SORL1: variants seen among roughly 807,000 people sequenced by gnomAD.
The protein encoded by SORL1 is sortilin related receptor 1, also known as sortilin-related receptor.
Under a neutral mutation model 273.7 loss-of-function variants are expected in SORL1, and 127 were observed. The ratio of observed to expected loss-of-function variants is 0.46; its 90% CI spans 0.40 to 0.54. SORL1 has a LOEUF of 0.54. SORL1 is among the 20% of genes least tolerant of loss of function. SORL1 has a pLI of 0.00. For synonymous variants in SORL1, 1,031 were observed against 1,067.4 expected (o/e 0.97, Z 0.66); for missense variants, 2,494 against 2,846.1 (o/e 0.88, Z 2.81).
At position 121,550,497 on chromosome 11, in the gene SORL1, C is replaced by T. The variant is rs964353949; in HGVS notation, c.2181-88C>T. 22 of 1,060,728 alleles carry T rather than the reference C, an allele frequency of 2.1e-5. No individual in the cohort carries two copies. Among genetic ancestry groups the T allele is most frequent in the African/African-American group, 9.3e-5 (6 of 64,360 alleles). The allele number at this position is 1,060,728 out of a possible 1,614,324, so 65.7% of individuals were successfully genotyped here. The stretch of plus-strand genomic sequence containing the variant: ...AAATGAGTGGATGGACTCTACTGGC[C>T]GTGGGTAGTAAGTGTATTCCCAGCT... On this transcript the variant is annotated intron_variant, in intron 15 of 47. Transcript: ENST00000260197. The surrounding 1 kb of genome is among the most constrained non-coding windows in gnomAD (Gnocchi z 5.3).
At position 121,482,331 on chromosome 11, in the gene SORL1, C is replaced by T. The variant is rs546276192; in HGVS notation, c.528+4088C>T. 2.0e-4 allele frequency among the ~76,000 whole-genome samples: 30 copies of T among 152,184 alleles called. 1 individual carries two copies. The highest frequency in any genetic ancestry group is 6.3e-4 in the African/African-American group (26 of 41,538). On this transcript the variant is annotated intron_variant, in intron 3 of 47. Transcript: ENST00000260197. The stretch of plus-strand genomic sequence containing the variant: ...TTGCATCCCAAGTGCTGTGTACCTC[C>T]GAGTGGTGTGTCTTAGATTCTCATG...
Position 121,629,512 on chromosome 11 carries a change from T to C in SORL1, c.6594T>C (p.Asp2198=), listed in dbSNP as rs1440208331. The change falls in exon 48 of 48, where the codon GAT becomes GAC. Residue 2198 remains aspartate, a synonymous_variant. Coordinates refer to ENST00000260197, the MANE Select transcript of SORL1 (RefSeq NM_003105.6). Reference sequence around the variant, plus strand: ...TGTCTCTAGGGGAAGATGATGAAGATGCCCCTATGATAACTGGATTTTCAG... The same window carrying C: ...TGTCTCTAGGGGAAGATGATGAAGACGCCCCTATGATAACTGGATTTTCAG... The part of the protein sequence containing the change: ...SGDDLGEDDE[D]APMITGFSDD... 3 of 1,584,264 alleles carry C rather than the reference T, an allele frequency of 1.9e-6. No homozygotes were observed. The highest frequency in any genetic ancestry group is 3.3e-5 in the Admixed American group (2 of 59,980).
chr11:121,605,812 T>C (rs544110308), intron 35 of SORL1, among the ~76,000 whole-genome samples: 1 of 152,352 alleles, frequency 6.6e-6, no homozygotes, highest in South Asian at 2.1e-4. Flanking sequence ...CTCTTGCATT[T>C]TTTGTCTAGT....
intron 8 of SORL1, among the ~76,000 whole-genome samples, chr11:121,514,809 C>T (rs1320539357): frequency 6.6e-6 from 1 of 152,104 alleles, no homozygotes; most frequent in Non-Finnish European, 1.5e-5. Context: ...GTCTGTAAAT[C>T]ATGTGTTTAG....
At chr11:121,529,372 A>G (rs891551404) in intron 11 of SORL1, among the ~76,000 whole-genome samples, 4 of 151,970 alleles carry the variant, frequency 2.6e-5, no homozygotes, top group African/African-American at 9.6e-5. Flanking sequence ...GCTCACCACC[A>G]CACCCGGCTA....
At chr11:121,623,426 C>A (rs1863751427) in intron 45 of SORL1, among the ~76,000 whole-genome samples, 1 of 152,198 alleles carries the variant, frequency 6.6e-6, no homozygotes, top group Non-Finnish European at 1.5e-5. Context: ...TAGGATTTTA[C>A]TCTAAAGCAG....
intron 2 of SORL1, among the ~76,000 whole-genome samples, chr11:121,470,816 T>C (rs754237507): frequency 1.3e-5 from 2 of 152,170 alleles, no homozygotes; most frequent in Non-Finnish European, 2.9e-5. Context: ...TAGCAGGAAC[T>C]ACAGGTGCAC....
intron 45 of SORL1, among the ~76,000 whole-genome samples, chr11:121,624,230 G>C (rs946945836): frequency 1.3e-5 from 2 of 152,238 alleles, no homozygotes; most frequent in African/African-American, 4.8e-5. Context: ...AGATGGGTCA[G>C]TGGTATTGGG....
chr11:121,497,151 G>A (rs1461695380), intron 6 of SORL1, 102 bp downstream of exon 6: 11 of 948,926 alleles, frequency 1.2e-5, no homozygotes, highest in Admixed American at 2.1e-5. Context: ...GGAATTGGAA[G>A]GATGTGCTTG....
chr11:121,495,070 G>T (rs909846402), intron 5 of SORL1, among the ~76,000 whole-genome samples: 5 of 152,062 alleles, frequency 3.3e-5, no homozygotes, highest in African/African-American at 1.2e-4. Flanking sequence ...TGCTCCCATT[G>T]TAAAAAGAAG....
chr11:121,559,852 G>C (rs1201329628), intron 21 of SORL1, among the ~76,000 whole-genome samples, 195 bp downstream of exon 21: 1 of 152,228 alleles, frequency 6.6e-6, no homozygotes, highest in Non-Finnish European at 1.5e-5. Flanking sequence ...AAGACAGCAT[G>C]CTTTTGCCTG....
intron 32 of SORL1, among the ~76,000 whole-genome samples, chr11:121,598,519 A>G (rs1591346301): frequency 6.6e-6 from 1 of 152,130 alleles, no homozygotes; most frequent in East Asian, 1.9e-4. Context: ...CCTGGAAGAA[A>G]CTGAAAAGGG....
chr11:121,459,216 A>G (rs1271273848), intron 1 of SORL1, among the ~76,000 whole-genome samples: 1 of 152,234 alleles, frequency 6.6e-6, no homozygotes, highest in Non-Finnish European at 1.5e-5. Flanking sequence ...TTTAATTTTA[A>G]CGAATTTAAA....
At chr11:121,491,783 C>G (rs1487057108) in intron 5 of SORL1, among the ~76,000 whole-genome samples, 1 of 152,150 alleles carries the variant, frequency 6.6e-6, no homozygotes, top group African/African-American at 2.4e-5. Context: ...GTTTTTCTAT[C>G]ATTAATTCTC....
At chr11:121,597,183 CAG>C (rs1313208389) in intron 32 of SORL1, among the ~76,000 whole-genome samples, 1 of 152,192 alleles carries the variant, frequency 6.6e-6, no homozygotes, top group Admixed American at 6.5e-5. Context: ...CAGTAAGGCT[CAG>C]GGGGAAAGGG....
At position 121,606,685 on chromosome 11, in the gene SORL1, A is replaced by G. The variant is rs112827095; in HGVS notation, c.4949-160A>G. 5.7e-3 allele frequency among the ~76,000 whole-genome samples: 861 copies of G among 152,330 alleles called. 6 individuals carry two copies. The highest frequency in any genetic ancestry group is 0.02 in the African/African-American group (822 of 41,568). ...ACCTTGCTTTTTGGAAGAAGAGGAA[A>G]AGTGTCTTTTCAATGTGACGACCAA... On this transcript the variant is annotated intron_variant, in intron 35 of 47. Transcript: ENST00000260197.
chr11:121,605,047 A>G (rs373881283), intron 33 of SORL1, 66 bp from the exon 34 acceptor site: 16 of 1,425,554 alleles, frequency 1.1e-5, no homozygotes, highest in Admixed American at 7.9e-5. Flanking sequence ...CTAGGATTAC[A>G]GGCGTGAGCC....
chr11:121,619,794 C>A lies in SORL1; in HGVS notation c.5766C>A (p.Tyr1922Ter). ...VVPYQGPSSDYVVVKMIPDSR... is the reference protein window; with the variant it reads ...VVPYQGPSSD ...CCTACCAGGGGCCATCCTCTGACTA[C>A]GTTGTAGTGAAGATGATCCCGGACA... Residue 1922 changes from tyrosine to a stop codon, truncating the protein, a stop_gained, in exon 43 of 48, where the codon TAC (tyrosine) becomes TAA (stop). Transcript: ENST00000260197. LOFTEE classifies it high-confidence loss of function. 1 of 1,614,062 alleles carries A rather than the reference C, an allele frequency of 6.2e-7. No homozygotes were observed.
chr11:121,511,319 A>T (rs924555805), intron 6 of SORL1, among the ~76,000 whole-genome samples: 1 of 152,194 alleles, frequency 6.6e-6, no homozygotes, highest in Non-Finnish European at 1.5e-5. Flanking sequence ...CCTGGGTGTC[A>T]TTGAGAAATC....
Sources: allele counts gnomAD v4.1 joint callset (sites outside exome capture counted in the v4.1 genomes callset), GRCh38; gene constraint gnomAD v4.1.1; non-coding constraint Gnocchi (gnomAD v3.1); transcripts MANE v1.5; gene names NCBI Gene and HGNC (gene_info 2026-07-23, HGNC 2026-07-21).